The following CWF19L2 variants were observed in gnomAD, a reference collection of about 807,000 sequenced individuals.
CWF19L2 encodes CWF19 like cell cycle control factor 2.
In CWF19L2, 98 loss-of-function variants were observed where a neutral mutation model predicts 111.7. That is an observed-to-expected ratio of 0.88 (90% CI 0.75 to 1.04). The LOEUF (loss-of-function observed/expected upper bound fraction) is 1.04, where lower values mean the gene tolerates loss of function less well. Ranked by LOEUF, CWF19L2 falls within the 50% of genes least tolerant of loss-of-function variation. The pLI is 0.00. For missense variants in CWF19L2, 1,101 were observed against 1,051.4 expected (o/e 1.05, Z -0.65); for synonymous variants, 351 against 342.9 (o/e 1.02, Z -0.26).
At chr11:107,349,498 G>C (rs1435691090) in intron 13 of CWF19L2, among the ~76,000 whole-genome samples, 6 of 152,032 alleles carry the variant, frequency 3.9e-5, no homozygotes. Flanking sequence ...CTGATTAGCT[G>C]AGAAAAGAGA....
chr11:107,409,037 T>G (rs1192529401), intron 10 of CWF19L2, among the ~76,000 whole-genome samples: 1 of 151,916 alleles, frequency 6.6e-6, no homozygotes, highest in Admixed American at 6.6e-5. Context: ...TCTTGTAACT[T>G]TTTTTCTGTT....
chr11:107,326,920 T>G lies in CWF19L2; in HGVS notation c.2675A>C (p.Lys892Thr), dbSNP rs1859769497. 1 of 1,597,276 alleles carries G rather than the reference T, an allele frequency of 6.3e-7. No individual in the cohort carries two copies. The highest frequency in any genetic ancestry group is 1.1e-5 in the South Asian group (1 of 87,758). The change falls in exon 18 of 18, where the codon AAA (lysine) becomes ACA (threonine). Residue 892 changes from lysine (K) to threonine (T), a missense_variant. Physicochemically the swap from Lys to Thr is moderately conservative, Grantham distance 78. Transcript: ENST00000282251. The stretch of plus-strand genomic sequence containing the variant: ...AATGGAAGGTACACCTCAATAGTTT[T>G]TACTTTTGGTGAAGTCATATGGTTT... ...WWKPYDFTKS[K>T]NY
chr11:107,373,563 G>C lies in CWF19L2; in HGVS notation c.1872+16511C>G, dbSNP rs1424779378. 4.5e-5 allele frequency among the ~76,000 whole-genome samples: 5 copies of C among 111,724 alleles called. 1 individual carries two copies. The highest frequency in any genetic ancestry group is 1.3e-4 in the African/African-American group (4 of 30,062). The allele number at this position is 111,724 out of a possible 152,430, so 73.3% of individuals were successfully genotyped here. A position where few individuals can be genotyped will look rare whatever the true frequency, so the allele number is the denominator to read the frequency against. On this transcript the variant is annotated intron_variant, in intron 12 of 17. Transcript: ENST00000282251. ...CAACAGACCTGCAGCTGAGGGTCCT[G>C]TCTGTTAGAAGGAAAACTAACAACA... is the stretch of plus-strand genomic sequence containing the variant.
rs913904818 is a variant in CWF19L2 at position 107,433,658 on chromosome 11, C to G, written c.756G>C (p.Glu252Asp). The change falls in exon 7 of 18, where the codon GAG becomes GAC. Residue 252 changes from glutamate (E) to aspartate (D), a missense_variant. Physicochemically the swap from Glu to Asp is conservative, Grantham distance 45. Coordinates refer to ENST00000282251, the MANE Select transcript of CWF19L2 (RefSeq NM_152434.3). ...EQAEKQSRNF[E>D]DIVAERYGSM... ...CCCCATATCTTTCGGCTACAATGTCCTCAAAGTTTCTACTTTGTTTCTCAG... is the reference window on the plus strand; with the variant it reads ...CCCCATATCTTTCGGCTACAATGTCGTCAAAGTTTCTACTTTGTTTCTCAG... 1.9e-6 allele frequency: 3 copies of G among 1,573,308 alleles called. No individual in the cohort carries two copies. Among genetic ancestry groups the G allele is most frequent in the Non-Finnish European group, 2.6e-6 (3 of 1,157,262 alleles).
intron 12 of CWF19L2, among the ~76,000 whole-genome samples, chr11:107,373,605 C>G (rs1860549980): frequency 7.9e-6 from 1 of 126,790 alleles, no homozygotes; most frequent in Admixed American, 7.5e-5. Context: ...ACATCCACAC[C>G]AAAAACCCAT....
chr11:107,390,424 C>T (rs903865016), intron 11 of CWF19L2, among the ~76,000 whole-genome samples: 2 of 152,120 alleles, frequency 1.3e-5, no homozygotes, highest in African/African-American at 4.8e-5. Flanking sequence ...CTCCTCTTCC[C>T]CAGGGATGGA....
intron 10 of CWF19L2, among the ~76,000 whole-genome samples, chr11:107,401,604 C>G (rs114428396): frequency 3.6e-3 from 543 of 152,296 alleles, no homozygotes; most frequent in African/African-American, 0.012. Context: ...AATAGAATCA[C>G]ATCCCTTGCT....
rs1202866030 is a variant in CWF19L2, at chr11:107,375,425, C to G, written c.1872+14649G>C. 2.2e-5 allele frequency among the ~76,000 whole-genome samples: 3 copies of G among 139,238 alleles called. 1 individual carries two copies. Among genetic ancestry groups the G allele is most frequent in the African/African-American group, 8.4e-5 (3 of 35,762 alleles). 91.3% of individuals were successfully genotyped at this position (139,238 alleles called of 152,430 possible). A position where few individuals can be genotyped will look rare whatever the true frequency, so the allele number is the denominator to read the frequency against. ...ACAGAAATTATAACAAATTCTCTCTCAGACCACAGTGCAATCAAACTAGAA... is the reference window on the plus strand; with the variant it reads ...ACAGAAATTATAACAAATTCTCTCTGAGACCACAGTGCAATCAAACTAGAA... On this transcript the variant is annotated intron_variant, in intron 12 of 17. Transcript: ENST00000282251.
chr11:107,329,859 C>A, intron 17 of CWF19L2, 59 bp downstream of exon 17: 2 of 1,346,452 alleles, frequency 1.5e-6, no homozygotes, highest in Non-Finnish European at 2.0e-6. Flanking sequence ...TATTTCCTTT[C>A]AAAAGAAAAA....
At chr11:107,353,102 C>A (rs1049313093) in intron 13 of CWF19L2, among the ~76,000 whole-genome samples, 15 of 152,136 alleles carry the variant, frequency 9.9e-5, no homozygotes, top group African/African-American at 3.6e-4. Context: ...CACTTTCTCC[C>A]ATTTCCTCAC....
chr11:107,420,642 A>C (rs1340512683), intron 8 of CWF19L2, among the ~76,000 whole-genome samples: 1 of 152,104 alleles, frequency 6.6e-6, no homozygotes, highest in Non-Finnish European at 1.5e-5. Flanking sequence ...GGATAGTACC[A>C]AACCTTATCT....
At chr11:107,404,106 G>T in intron 10 of CWF19L2, 1 of 774,300 alleles carries the variant, frequency 1.3e-6, no homozygotes, top group Non-Finnish European at 2.4e-6. Flanking sequence ...CTTTCTCCAT[G>T]TGAGACTGTC....
rs1591145596 is a variant in CWF19L2, at chr11:107,331,782, C to G, written c.2440-1763G>C. On this transcript the variant is annotated intron_variant, in intron 16 of 17. Transcript: ENST00000282251. ...ATATTTGCCAAGACGGCACAATGAA[C>G]ACACTACTACTTTCACACAAAGGCA... is the stretch of plus-strand genomic sequence containing the variant. 3.3e-5 allele frequency among the ~76,000 whole-genome samples: 5 copies of G among 152,326 alleles called. No individual in the cohort carries two copies. In the South Asian group the frequency reaches 1.0e-3, roughly 32 times the overall value.
intron 3 of CWF19L2, among the ~76,000 whole-genome samples, chr11:107,444,346 C>T (rs1385105900): frequency 1.3e-5 from 2 of 152,172 alleles, no homozygotes; most frequent in East Asian, 1.9e-4. Context: ...CTCAACAAAA[C>T]GTTTCAGTCT....
At chr11:107,453,513 G>C (rs1861808339) in intron 3 of CWF19L2, among the ~76,000 whole-genome samples, 1 of 151,868 alleles carries the variant, frequency 6.6e-6, no homozygotes, top group African/African-American at 2.4e-5. Flanking sequence ...AGAGCCCTTA[G>C]GCCCTGAATA....
In CWF19L2 at chr11:107,402,879, A is replaced by G. The variant is rs1428502198; in HGVS notation, c.1618-9984T>C. On this transcript the variant is annotated intron_variant, in intron 10 of 17. Transcript: ENST00000282251. ...GATAAACAAACTGTGGTGTGTATAT[A>G]TATATATATATATATATATATATAA... is the stretch of plus-strand genomic sequence containing the variant. Among the ~76,000 whole-genome samples the G allele has an allele frequency of 1.6e-3, 93 of 56,852 alleles. 3 individuals carry two copies. Among genetic ancestry groups the G allele is most frequent in the African/African-American group, 4.4e-3 (54 of 12,246 alleles). 37.3% of individuals were successfully genotyped at this position (56,852 alleles called of 152,430 possible).
At chr11:107,451,884 T>C (rs1421033504) in intron 3 of CWF19L2, among the ~76,000 whole-genome samples, 7 of 152,198 alleles carry the variant, frequency 4.6e-5, no homozygotes, top group Non-Finnish European at 1.0e-4. Flanking sequence ...TCAATACTCA[T>C]TCAAGATACA....
chr11:107,403,404 C>CT, intron 10 of CWF19L2: 1 of 755,874 alleles, frequency 1.3e-6, no homozygotes, highest in South Asian at 1.4e-5. Flanking sequence ...AACACTTATT[C>CT]TTTTTTCTCA....
intron 3 of CWF19L2, among the ~76,000 whole-genome samples, chr11:107,444,215 A>G (rs1042933043): frequency 1.3e-5 from 2 of 151,774 alleles, no homozygotes; most frequent in African/African-American, 4.8e-5. Flanking sequence ...AGAGTAGTCT[A>G]CATGCACCGC....
Sources: allele counts gnomAD v4.1 joint callset (sites outside exome capture counted in the v4.1 genomes callset), GRCh38; gene constraint gnomAD v4.1.1; transcripts MANE v1.5; gene names NCBI Gene and HGNC (gene_info 2026-07-23, HGNC 2026-07-21).